The following GMDS variants were observed in gnomAD, a reference collection of about 807,000 sequenced individuals.
GMDS encodes the protein GDP-mannose 4,6 dehydratase.
A neutral mutation model predicts 49.9 loss-of-function variants in GMDS; 20 were observed. The ratio of observed to expected loss-of-function variants is 0.40; its 90% CI spans 0.28 to 0.58. The LOEUF (loss-of-function observed/expected upper bound fraction) is 0.58. GMDS is among the 20% of genes least tolerant of loss of function. The pLI is 0.42. For missense variants in GMDS, 362 were observed against 481.4 expected, an observed-to-expected ratio of 0.75 and a Z score of 2.32; for synonymous variants, 177 against 178.6, an observed-to-expected ratio of 0.99 and a Z score of 0.07.
intron 7 of GMDS, among the ~76,000 whole-genome samples, chr6:1,855,865 A>T (rs1460530848): frequency 4.6e-5 from 7 of 152,216 alleles, no homozygotes; most frequent in Admixed American, 3.3e-4. Flanking sequence ...TCTATCTGCT[A>T]CTACAATGCA....
At chr6:1,987,146 A>G (rs1319711994) in intron 4 of GMDS, among the ~76,000 whole-genome samples, 2 of 152,214 alleles carry the variant, frequency 1.3e-5, no homozygotes, top group Non-Finnish European at 1.5e-5. Flanking sequence ...GGGGCAGAAA[A>G]GGGACTTGAG....
chr6:2,231,127 G>A (rs1291393320), intron 1 of GMDS, among the ~76,000 whole-genome samples: 1 of 151,932 alleles, frequency 6.6e-6, no homozygotes, highest in Non-Finnish European at 1.5e-5. Context: ...AGTTAAACCT[G>A]AAACAACACA....
At chr6:2,186,309 CT>C (rs1479498741) in intron 1 of GMDS, among the ~76,000 whole-genome samples, 3 of 152,156 alleles carry the variant, frequency 2.0e-5, no homozygotes, top group Non-Finnish European at 2.9e-5. Context: ...GTTTATGTTA[CT>C]GTAATCAGGG....
chr6:1,636,478 C>G (rs1763151763), intron 9 of GMDS, among the ~76,000 whole-genome samples: 2 of 152,228 alleles, frequency 1.3e-5, no homozygotes, highest in Admixed American at 1.3e-4. Flanking sequence ...CTTCATTTAA[C>G]TGTTATACAA....
At chr6:2,178,049 C>G (rs2127559732) in intron 1 of GMDS, among the ~76,000 whole-genome samples, 1 of 152,256 alleles carries the variant, frequency 6.6e-6, no homozygotes, top group East Asian at 1.9e-4. Context: ...AAAACCAAAT[C>G]CCACATATTT....
intron 9 of GMDS, among the ~76,000 whole-genome samples, chr6:1,637,728 T>C (rs1423613241): frequency 6.6e-6 from 1 of 152,232 alleles, no homozygotes; most frequent in African/African-American, 2.4e-5. Flanking sequence ...GGCCAGTCAG[T>C]CCCTGCACTG....
chr6:1,868,160 T>C (rs1466645022), intron 7 of GMDS, among the ~76,000 whole-genome samples: 1 of 152,102 alleles, frequency 6.6e-6, no homozygotes, highest in Non-Finnish European at 1.5e-5. Context: ...CTAATTTTTA[T>C]ATTTTTAGTA....
chr6:1,931,439 A>T (rs1175340015), intron 6 of GMDS, among the ~76,000 whole-genome samples: 1 of 152,222 alleles, frequency 6.6e-6, no homozygotes, highest in African/African-American at 2.4e-5. Context: ...AAGAAATACA[A>T]TGGGACTACC....
chr6:1,850,453 A>G (rs1757612515), intron 7 of GMDS, among the ~76,000 whole-genome samples: 1 of 152,216 alleles, frequency 6.6e-6, no homozygotes, highest in African/African-American at 2.4e-5. Flanking sequence ...AGAACTGGAA[A>G]TGGGCCAGGC....
intron 7 of GMDS, among the ~76,000 whole-genome samples, chr6:1,883,619 AT>A (rs1759469193): frequency 6.6e-6 from 1 of 152,162 alleles, no homozygotes; most frequent in Non-Finnish European, 1.5e-5. Flanking sequence ...GCTGAAAAAA[AT>A]CTAGGTAAGT....
intron 4 of GMDS, among the ~76,000 whole-genome samples, chr6:1,977,749 C>T (rs1025935812): frequency 6.6e-6 from 1 of 152,176 alleles, no homozygotes; most frequent in Non-Finnish European, 1.5e-5. Context: ...ATCTTTGCAA[C>T]CCACGGATCA....
intron 1 of GMDS, among the ~76,000 whole-genome samples, chr6:2,211,773 C>T (rs1393622298): frequency 2.6e-5 from 4 of 152,104 alleles, no homozygotes. Context: ...TGAGAATGAG[C>T]CCAGAATTCT....
intron 9 of GMDS, among the ~76,000 whole-genome samples, chr6:1,683,968 G>A (rs1764884324): frequency 1.5e-5 from 1 of 66,496 alleles, no homozygotes; most frequent in African/African-American, 4.5e-5. Flanking sequence ...TTTGCCATCG[G>A]TAGGCCTGGA....
At chr6:1,752,617 T>C (rs1287627384) in intron 7 of GMDS, among the ~76,000 whole-genome samples, 4 of 152,220 alleles carry the variant, frequency 2.6e-5, no homozygotes, top group Admixed American at 1.3e-4. Flanking sequence ...AAGGAAAGAA[T>C]GTTAAGGGCA....
At chr6:1,673,639 C>A (rs76019498) in intron 9 of GMDS, among the ~76,000 whole-genome samples, 4,517 of 152,162 alleles carry the variant, frequency 0.03, 201 homozygotes, top group African/African-American at 0.1. Context: ...CATGTATCCA[C>A]CATTACTATA....
chr6:2,245,201 C>A, intron 1 of GMDS, 120 bp downstream of exon 1: 1 of 701,394 alleles, frequency 1.4e-6, no homozygotes, highest in Non-Finnish European at 2.5e-6. Flanking sequence ...GGCAGCAGAC[C>A]CCTTCCGGGA....
At chr6:1,917,866 G>C (rs1207765691) in intron 7 of GMDS, among the ~76,000 whole-genome samples, 3 of 152,162 alleles carry the variant, frequency 2.0e-5, no homozygotes, top group Non-Finnish European at 4.4e-5. Context: ...CTGGAGGACG[G>C]ACCCAAGAAC....
intron 4 of GMDS, among the ~76,000 whole-genome samples, chr6:1,993,498 G>A (rs1766082143): frequency 6.6e-6 from 1 of 152,138 alleles, no homozygotes; most frequent in Non-Finnish European, 1.5e-5. Flanking sequence ...ATAAACCTCT[G>A]CCGAAGGCAG....
intron 9 of GMDS, among the ~76,000 whole-genome samples, chr6:1,646,946 C>G (rs1763503647): frequency 6.6e-6 from 1 of 152,178 alleles, no homozygotes; most frequent in Non-Finnish European, 1.5e-5. Flanking sequence ...CACTCAGTCT[C>G]TTACAAAAAG....
Sources: gnomAD v4.1 joint callset for allele counts (sites outside exome capture counted in the v4.1 genomes callset) on GRCh38, gnomAD v4.1.1 for gene constraint, MANE v1.5 for transcripts, NCBI Gene and HGNC (gene_info 2026-07-23, HGNC 2026-07-21) for gene names.